Variants in CPED1 observed in about 807,000 individuals in gnomAD.
The protein encoded by CPED1 is cadherin-like and PC-esterase domain-containing protein 1.
Under a neutral mutation model 128.2 loss-of-function variants are expected in CPED1, and 114 were observed. That is an observed-to-expected ratio of 0.89 (90% CI 0.76 to 1.04). CPED1 has a LOEUF of 1.04. Among genes scored for constraint, CPED1 ranks in the 50% least tolerant of loss-of-function variants. CPED1 has a pLI of 0.00. For synonymous variants in CPED1, 462 were observed against 426.7 expected, an observed-to-expected ratio of 1.08 and a Z score of -1.02; for missense variants, 1,211 against 1,207.1, an observed-to-expected ratio of 1.00 and a Z score of -0.05.
chr7:121,083,452 T>A (rs960577254), intron 5 of CPED1, among the ~76,000 whole-genome samples: 39 of 152,194 alleles, frequency 2.6e-4, no homozygotes, highest in African/African-American at 9.4e-4. Context: ...CTGATTGTGC[T>A]GCCAAGCTGG....
intron 5 of CPED1, among the ~76,000 whole-genome samples, chr7:121,071,272 G>A (rs1384415877): frequency 1.3e-5 from 2 of 152,030 alleles, no homozygotes. Context: ...GTAACCATTA[G>A]GATTCAGATC....
chr7:121,048,022 G>C (rs1371440171), intron 4 of CPED1, among the ~76,000 whole-genome samples: 2 of 152,172 alleles, frequency 1.3e-5, no homozygotes, highest in Non-Finnish European at 1.5e-5. Context: ...CATTTGGGCT[G>C]AGCACACGCT....
intron 12 of CPED1, 62 bp downstream of exon 12, chr7:121,130,356 C>G (rs994696632): frequency 1.9e-4 from 264 of 1,412,270 alleles, no homozygotes; most frequent in Non-Finnish European, 2.2e-4. Context: ...AGATTGATTT[C>G]AAAAGGCTTT....
At chr7:121,142,878 T>C (rs961664897) in intron 16 of CPED1, among the ~76,000 whole-genome samples, 3 of 152,034 alleles carry the variant, frequency 2.0e-5, no homozygotes, top group Non-Finnish European at 4.4e-5. Context: ...TCAGAAAGTA[T>C]ACTTGCAAAT....
chr7:121,296,885 G>A lies in CPED1; in HGVS notation c.*1233G>A, dbSNP rs1792833225. 6.6e-6 allele frequency: 1 copy of A among 152,060 alleles called. No homozygotes were observed. Among genetic ancestry groups the A allele is most frequent in the Admixed American group, 6.6e-5 (1 of 15,240 alleles). 9.4% of individuals were successfully genotyped at this position (152,060 alleles called of 1,614,324 possible). A position where few individuals can be genotyped will look rare whatever the true frequency, so the allele number is the denominator to read the frequency against. On this transcript the variant is annotated 3_prime_UTR_variant, in exon 23 of 23. Coordinates refer to ENST00000310396, the MANE Select transcript of CPED1 (RefSeq NM_024913.5). ...AGCTGAGAGGGTTAATTCAATACAT[G>A]GCTGAAATTACCAAATGTATAAATA...
intron 16 of CPED1, among the ~76,000 whole-genome samples, chr7:121,163,121 T>G (rs1229345672): frequency 6.6e-6 from 1 of 152,204 alleles, no homozygotes; most frequent in Non-Finnish European, 1.5e-5. Context: ...ATGAAATATC[T>G]ACTTCCAGTC....
At chr7:121,065,481 C>G (rs966439146) in intron 5 of CPED1, among the ~76,000 whole-genome samples, 2 of 152,022 alleles carry the variant, frequency 1.3e-5, no homozygotes, top group African/African-American at 4.8e-5. Context: ...AAAAGGCAAT[C>G]TGAAGAAATT....
intron 2 of CPED1, among the ~76,000 whole-genome samples, chr7:120,994,340 T>C (rs1197732986): frequency 1.3e-5 from 2 of 152,240 alleles, no homozygotes. Context: ...CTTTCATTTA[T>C]TCATTTTCAT....
intron 4 of CPED1, among the ~76,000 whole-genome samples, chr7:121,057,231 G>C (rs961839356): frequency 6.6e-6 from 1 of 152,142 alleles, no homozygotes; most frequent in African/African-American, 2.4e-5. Flanking sequence ...ACCTGCCTCA[G>C]CCTCCCAAAG....
chr7:121,173,282 C>T lies in CPED1; in HGVS notation c.2055+31141C>T, dbSNP rs377134887. Among the ~76,000 whole-genome samples the T allele has an allele frequency of 5.9e-5, 9 of 152,192 alleles. No individual in the cohort carries two copies. In the East Asian group the frequency reaches 9.6e-4, roughly 16 times the overall value. On this transcript the variant is annotated intron_variant, in intron 16 of 22. Transcript: ENST00000310396. Reference sequence around the variant, plus strand: ...TTTTTAACTTTTAGGTTCATGGTTACATGTGCAGGTTTGTTACATAGGTAA... The same window carrying T: ...TTTTTAACTTTTAGGTTCATGGTTATATGTGCAGGTTTGTTACATAGGTAA...
intron 5 of CPED1, among the ~76,000 whole-genome samples, chr7:121,086,584 A>G (rs936092040): frequency 2.6e-5 from 4 of 152,198 alleles, no homozygotes; most frequent in African/African-American, 7.2e-5. Context: ...CCAAATGTCA[A>G]CTCAGACTCC....
At chr7:121,127,737 T>C (rs903017894) in intron 10 of CPED1, among the ~76,000 whole-genome samples, 1 of 152,070 alleles carries the variant, frequency 6.6e-6, no homozygotes, top group Non-Finnish European at 1.5e-5. Context: ...GGTTTCATCA[T>C]GTTGGCCAGG....
chr7:121,023,732 C>A (rs1223522603), intron 3 of CPED1, among the ~76,000 whole-genome samples: 1 of 152,124 alleles, frequency 6.6e-6, no homozygotes, highest in Admixed American at 6.6e-5. Context: ...GATGCTTCTG[C>A]TGGTAATTTA....
intron 18 of CPED1, among the ~76,000 whole-genome samples, chr7:121,256,111 C>CAAAAAAAAAAAAAAAAAAAAAAAAAAAAA (rs1286167648): frequency 5.0e-4 from 17 of 34,152 alleles, no homozygotes; most frequent in Middle Eastern, 0.024. Flanking sequence ...CAATCCTAAG[C>CAAAAAAAAAAAAAAAAAAAAAAAAAAAAA]AAAAAAAAAA....
intron 16 of CPED1, among the ~76,000 whole-genome samples, chr7:121,166,383 A>C (rs1796525375): frequency 6.6e-6 from 1 of 152,208 alleles, no homozygotes; most frequent in African/African-American, 2.4e-5. Flanking sequence ...GATGCAAAAG[A>C]CTTTCGCAAG....
chr7:121,166,297 G>A (rs540326339), intron 16 of CPED1, among the ~76,000 whole-genome samples: 2 of 152,266 alleles, frequency 1.3e-5, no homozygotes, highest in African/African-American at 4.8e-5. Flanking sequence ...AAATTGCTAT[G>A]ATGTATAAAA....
At chr7:121,231,316 C>T (rs1033474872) in intron 16 of CPED1, among the ~76,000 whole-genome samples, 1 of 151,980 alleles carries the variant, frequency 6.6e-6, no homozygotes, top group African/African-American at 2.4e-5. Context: ...GATATCTGGG[C>T]ATGGTTGTCT....
intron 5 of CPED1, among the ~76,000 whole-genome samples, chr7:121,069,923 C>CTCAT (rs1793945788): frequency 6.6e-6 from 1 of 152,038 alleles, no homozygotes; most frequent in African/African-American, 2.4e-5. Context: ...TTGGCCATAA[C>CTCAT]TCATTCATTC....
At chr7:121,156,368 G>A (rs1390386773) in intron 16 of CPED1, among the ~76,000 whole-genome samples, 1 of 152,122 alleles carries the variant, frequency 6.6e-6, no homozygotes, top group Non-Finnish European at 1.5e-5. Flanking sequence ...GTCAATATAG[G>A]TAAGAGATAT....
Sources: gnomAD v4.1 joint callset for allele counts (sites outside exome capture counted in the v4.1 genomes callset) on GRCh38, gnomAD v4.1.1 for gene constraint, MANE v1.5 for transcripts, NCBI Gene and HGNC (gene_info 2026-07-23, HGNC 2026-07-21) for gene names.